Variants in SPATA6L observed in about 807,000 individuals in gnomAD.
The protein encoded by SPATA6L is spermatogenesis associated 6-like protein.
SPATA6L carries 68 observed loss-of-function variants against 49.2 expected under a neutral mutation model. That is an observed-to-expected ratio of 1.38 (90% CI 1.14 to 1.69). SPATA6L has a LOEUF of 1.69. Ranked by LOEUF, SPATA6L falls within the 40% of genes most tolerant of loss-of-function variation. The pLI, the probability that SPATA6L is intolerant of heterozygous loss-of-function variation, is 0.00. For missense variants in SPATA6L, 668 were observed against 464.3 expected (o/e 1.44, Z -4.03); for synonymous variants, 198 against 165.7 (o/e 1.19, Z -1.50).
intron 11 of SPATA6L, among the ~76,000 whole-genome samples, chr9:4,602,392 A>T (rs765927515): frequency 6.6e-6 from 1 of 152,140 alleles, no homozygotes; most frequent in Non-Finnish European, 1.5e-5. Context: ...TCTAAGGTAG[A>T]AGCCTCCAGA....
chr9:4,662,538 T>G lies in SPATA6L; in HGVS notation c.40-502A>C. The G allele has an allele frequency of 1.3e-6, 2 of 1,568,136 alleles. No homozygotes were observed. Among genetic ancestry groups the G allele is most frequent in the Non-Finnish European group, 1.7e-6 (2 of 1,166,628 alleles). On this transcript the variant is annotated intron_variant, in intron 1 of 11. Transcript: ENST00000682582. This position sits in a 1 kb window ranked among gnomAD's most constrained non-coding sequence, Gnocchi z 4.9. ...CCGCGCCACGGCCGTGGACCCCACC[T>G]GCGCCCGGCTCCGTGCATCGGAGAG...
intron 9 of SPATA6L, 55 bp from the exon 10 acceptor site, chr9:4,605,495 T>A: frequency 1.6e-6 from 2 of 1,236,972 alleles, no homozygotes; most frequent in South Asian, 1.2e-5. Context: ...AAAGGACACT[T>A]AAAGCACATG....
At chr9:4,635,768 C>T (rs1180498260) in intron 3 of SPATA6L, among the ~76,000 whole-genome samples, 3 of 152,212 alleles carry the variant, frequency 2.0e-5, no homozygotes, top group African/African-American at 7.2e-5. Context: ...ATTGTTCACA[C>T]AACTTTACAG....
intron 2 of SPATA6L, among the ~76,000 whole-genome samples, chr9:4,661,317 T>A (rs1452478013): frequency 6.6e-6 from 1 of 152,180 alleles, no homozygotes; most frequent in Non-Finnish European, 1.5e-5. Context: ...ATAACATCAA[T>A]ATTCTATGAA....
rs142359590 is a variant in SPATA6L, at chr9:4,598,627, C to G, written c.*2184G>C. The stretch of plus-strand genomic sequence containing the variant: ...TTAAAGAGTTATGCTTAAACCATTT[C>G]AAAAAACACTGAATATTGAATGTCA... On this transcript the variant is annotated 3_prime_UTR_variant, in exon 12 of 12. Coordinates refer to ENST00000682582, the MANE Select transcript of SPATA6L (RefSeq NM_001353486.2). Among the ~76,000 whole-genome samples the G allele has an allele frequency of 9.2e-3, 1,403 of 152,226 alleles. 17 individuals carry two copies. The highest frequency in any genetic ancestry group is 0.037 in the South Asian group (179 of 4,828).
intron 5 of SPATA6L, chr9:4,626,939 T>C (rs1411888409): frequency 6.5e-6 from 1 of 152,834 alleles, no homozygotes; most frequent in Non-Finnish European, 1.5e-5. Context: ...GTGTACAGAA[T>C]ATACTAAAAA....
At chr9:4,650,824 TTGTGTGTGTGTGTGTGTG>T (rs59184426) in intron 3 of SPATA6L, among the ~76,000 whole-genome samples, 1,990 of 137,142 alleles carry the variant, frequency 0.015, 59 homozygotes, top group African/African-American at 0.046. Flanking sequence ...CAAACCCAGC[TTGTGTGTGTGTGTGTGTG>T]TGTGTGTGTG....
At chr9:4,628,809 C>A in intron 5 of SPATA6L, 2 of 298,612 alleles carry the variant, frequency 6.7e-6, no homozygotes, top group South Asian at 5.2e-5. Context: ...ACAACAATAA[C>A]AAAAGCTAAT....
intron 4 of SPATA6L, among the ~76,000 whole-genome samples, chr9:4,631,365 A>G (rs1831505542): frequency 6.6e-6 from 1 of 152,116 alleles, no homozygotes; most frequent in Admixed American, 6.5e-5. Flanking sequence ...CTAACATGAT[A>G]ATAGATAATT....
intron 1 of SPATA6L, among the ~76,000 whole-genome samples, chr9:4,665,767 C>G (rs1169099689): frequency 6.6e-6 from 1 of 152,096 alleles, no homozygotes. Context: ...AGAGCTATCA[C>G]TAAGGGGAAA....
intron 2 of SPATA6L, among the ~76,000 whole-genome samples, chr9:4,660,474 A>G (rs903883636): frequency 1.3e-5 from 2 of 152,232 alleles, no homozygotes; most frequent in Non-Finnish European, 2.9e-5. Flanking sequence ...AATCAAAACC[A>G]CAATGAGATA....
chr9:4,607,493 C>A (rs1825585737), intron 9 of SPATA6L, among the ~76,000 whole-genome samples: 1 of 152,220 alleles, frequency 6.6e-6, no homozygotes, highest in Admixed American at 6.5e-5. Flanking sequence ...CAATATTCCA[C>A]ATTCTTAAAG....
At position 4,618,976 on chromosome 9, in the gene SPATA6L, C is replaced by T. The variant is rs573143915; in HGVS notation, c.773-78G>A. ...TAAAACTGCCATTATATTTATTCTA[C>T]AGCAGTACAAAAATTTTAGACAATG... On this transcript the variant is annotated intron_variant, in intron 7 of 11. Transcript: ENST00000682582. The T allele has an allele frequency of 3.0e-6, 4 of 1,317,198 alleles. No homozygotes were observed. In the African/African-American group the frequency reaches 4.5e-5, roughly 15 times the overall value. 81.6% of individuals were successfully genotyped at this position (1,317,198 alleles called of 1,614,324 possible).
In SPATA6L at chr9:4,617,394, G is replaced by T. The variant is rs1363829780; in HGVS notation, c.995+529C>A. 3.3e-5 allele frequency: 5 copies of T among 152,196 alleles called. No homozygotes were observed. In the South Asian group the frequency reaches 8.3e-4, roughly 25 times the overall value. The allele number at this position is 152,196 out of a possible 1,614,324, so 9.4% of individuals were successfully genotyped here. On this transcript the variant is annotated intron_variant, in intron 9 of 11. Transcript: ENST00000682582. ...TCAGGCAGACCCAAGCAAACCAGTG[G>T]TTACTTACCCTACTAGAGAGTGCTG... is the stretch of plus-strand genomic sequence containing the variant.
exon 14 of SPATA6L, chr9:4,588,947 C>G (rs1277032860): frequency 6.6e-6 from 1 of 152,186 alleles, no homozygotes; most frequent in Non-Finnish European, 1.5e-5. Context: ...TGCAGGGGCT[C>G]AAGAATCTTC....
chr9:4,601,431 A>C (rs978315060), intron 11 of SPATA6L, among the ~76,000 whole-genome samples: 3 of 151,710 alleles, frequency 2.0e-5, no homozygotes, highest in Admixed American at 1.3e-4. Flanking sequence ...ACCAATTTTA[A>C]ATATACAAGG....
intron 2 of SPATA6L, 45 bp from the exon 3 acceptor site, chr9:4,656,134 T>A: frequency 6.5e-7 from 1 of 1,532,224 alleles, no homozygotes; most frequent in Non-Finnish European, 9.0e-7. Context: ...GTTGTATTAA[T>A]AAGCGCATAT....
intron 1 of SPATA6L, 69 bp downstream of exon 1, chr9:4,666,143 T>C (rs1321805827): frequency 1.3e-6 from 2 of 1,510,866 alleles, no homozygotes; most frequent in Non-Finnish European, 9.2e-7. Flanking sequence ...GGGAGGGTTG[T>C]TGAAAACCAC....
Position 4,645,993 on chromosome 9 carries a change from G to A in SPATA6L, c.226+10048C>T, listed in dbSNP as rs554628635. On this transcript the variant is annotated intron_variant, in intron 3 of 11. Coordinates refer to ENST00000682582, the MANE Select transcript of SPATA6L (RefSeq NM_001353486.2). ...TGACGAATTATATATGATTTAAATC[G>A]CAATAAAAAATGTGGAAACCATTTC... Among the ~76,000 whole-genome samples, 8 of 152,170 alleles carry A rather than the reference G, an allele frequency of 5.3e-5. No homozygotes were observed. The South Asian group carries it at 1.0e-3, about 20-fold the overall frequency.
Sources: allele counts gnomAD v4.1 joint callset (sites outside exome capture counted in the v4.1 genomes callset), GRCh38; gene constraint gnomAD v4.1.1; non-coding constraint Gnocchi (gnomAD v3.1); transcripts MANE v1.5; gene names NCBI Gene and HGNC (gene_info 2026-07-23, HGNC 2026-07-21).